PEAK1: variants seen among roughly 807,000 people sequenced by gnomAD.
The protein encoded by PEAK1 is pseudopodium enriched atypical kinase 1.
A neutral mutation model predicts 124.7 loss-of-function variants in PEAK1; 54 were observed. That is an observed-to-expected ratio of 0.43 (90% confidence interval 0.35 to 0.54). The LOEUF is 0.54. PEAK1 is among the 20% of genes least tolerant of loss of function. The probability of loss-of-function intolerance (pLI) is 0.01; values close to 1 mark genes in which losing one functional copy is unlikely to be tolerated. For missense variants in PEAK1, 2,046 were observed against 2,134.5 expected, an observed-to-expected ratio of 0.96 and a Z score of 0.82; for synonymous variants, 719 against 760.0, an observed-to-expected ratio of 0.95 and a Z score of 0.89.
At chr15:77,120,130 C>T (rs2051775202) in intron 9 of PEAK1, among the ~76,000 whole-genome samples, 1 of 152,226 alleles carries the variant, frequency 6.6e-6, no homozygotes, top group Admixed American at 6.5e-5. Context: ...ACTCATTCTT[C>T]TTCATTGACC....
intron 6 of PEAK1, among the ~76,000 whole-genome samples, chr15:77,243,467 C>T (rs1596824835): frequency 6.6e-6 from 1 of 152,156 alleles, no homozygotes; most frequent in East Asian, 1.9e-4. Context: ...TAATTTATTT[C>T]CCAGGAAAAA....
At chr15:77,271,933 T>TA (rs150674002) in intron 5 of PEAK1, among the ~76,000 whole-genome samples, 13 of 148,806 alleles carry the variant, frequency 8.7e-5, no homozygotes, top group Non-Finnish European at 1.5e-4. Context: ...AGTATAATAA[T>TA]AAAAAAAAAG....
intron 6 of PEAK1, among the ~76,000 whole-genome samples, chr15:77,230,382 T>G (rs1395365749): frequency 1.3e-5 from 2 of 152,010 alleles, no homozygotes; most frequent in African/African-American, 4.8e-5. Context: ...GTATTTTTAG[T>G]AGAGACAGGG....
At chr15:77,369,939 G>A (rs947642002) in intron 1 of PEAK1, among the ~76,000 whole-genome samples, 1 of 152,044 alleles carries the variant, frequency 6.6e-6, no homozygotes, top group Non-Finnish European at 1.5e-5. Flanking sequence ...TAAAAAAAGA[G>A]GTACAACACA....
intron 1 of PEAK1, chr15:77,401,890 A>G: frequency 1.0e-6 from 1 of 985,382 alleles, no homozygotes; most frequent in African/African-American, 1.7e-5. Flanking sequence ...AGCAAGATAC[A>G]GAAGTAGCAA....
chr15:77,375,968 C>T (rs1016159222), intron 1 of PEAK1, among the ~76,000 whole-genome samples: 1 of 151,708 alleles, frequency 6.6e-6, no homozygotes, highest in Non-Finnish European at 1.5e-5. Flanking sequence ...CACTGCACTC[C>T]AGCCTGGGAG....
At chr15:77,225,023 C>T (rs558198947) in intron 6 of PEAK1, among the ~76,000 whole-genome samples, 139 of 152,100 alleles carry the variant, frequency 9.1e-4, no homozygotes, top group African/African-American at 3.2e-3. Context: ...CATCATGTGA[C>T]TTGCTTGTTC....
At chr15:77,205,201 G>T in intron 6 of PEAK1, 1 of 239,052 alleles carries the variant, frequency 4.2e-6, no homozygotes. Flanking sequence ...TTTTTTAGTA[G>T]CTCTAGACAC....
At position 77,110,568 on chromosome 15, in the gene PEAK1, C is replaced by T. The variant is rs780014160; in HGVS notation, c.*3588G>A. 4.6e-5 allele frequency: 7 copies of T among 152,186 alleles called. No individual in the cohort carries two copies. Among genetic ancestry groups the T allele is most frequent in the Admixed American group, 1.3e-4 (2 of 15,282 alleles). The allele number at this position is 152,186 out of a possible 1,614,324, so 9.4% of individuals were successfully genotyped here. On this transcript the variant is annotated 3_prime_UTR_variant, in exon 10 of 10. Coordinates refer to ENST00000682557, the MANE Select transcript of PEAK1 (RefSeq NM_001385026.1). The stretch of plus-strand genomic sequence containing the variant: ...CCCCACTTAATCTGATAATGGGAGG[C>T]TACTCCAACTGTTAAAATCCTAACC...
chr15:77,277,449 C>T (rs992036146), intron 5 of PEAK1, among the ~76,000 whole-genome samples: 41 of 152,134 alleles, frequency 2.7e-4, no homozygotes, highest in African/African-American at 9.9e-4. Context: ...ATACTACTCA[C>T]TTTACACCAA....
At chr15:77,377,169 G>C (rs1277515840) in intron 1 of PEAK1, among the ~76,000 whole-genome samples, 1 of 152,178 alleles carries the variant, frequency 6.6e-6, no homozygotes, top group Non-Finnish European at 1.5e-5. Flanking sequence ...AGGATCACTT[G>C]AGCCCTGTTT....
At chr15:77,306,452 G>A (rs1266666241) in intron 2 of PEAK1, among the ~76,000 whole-genome samples, 2 of 152,114 alleles carry the variant, frequency 1.3e-5, no homozygotes, top group Non-Finnish European at 2.9e-5. Flanking sequence ...AAGGCTGATA[G>A]ATGCAGGATA....
intron 1 of PEAK1, among the ~76,000 whole-genome samples, chr15:77,412,181 T>C (rs1003597211): frequency 1.3e-5 from 2 of 152,212 alleles, no homozygotes; most frequent in African/African-American, 2.4e-5. Flanking sequence ...TTCTCTTCTC[T>C]AGCTACCCTC....
intron 2 of PEAK1, among the ~76,000 whole-genome samples, chr15:77,364,589 G>A (rs2068099701): frequency 6.6e-6 from 1 of 152,216 alleles, no homozygotes. Flanking sequence ...AAGAGGACTT[G>A]AGCCAAGACA....
Position 77,158,619 on chromosome 15 carries a change from C to A in PEAK1, c.3215G>T (p.Gly1072Val). The A allele has an allele frequency of 6.2e-7, 1 of 1,614,076 alleles. No individual in the cohort carries two copies. The highest frequency in any genetic ancestry group is 8.5e-7 in the Non-Finnish European group (1 of 1,179,944). The change falls in exon 8 of 10, where the codon GGC becomes GTC. Residue 1072 changes from glycine (G) to valine (V), a missense_variant. Physicochemically the swap from Gly to Val is moderately radical, Grantham distance 109 (BLOSUM62 -3). Transcript: ENST00000682557. Reference protein sequence around the residue: ...RTVVGKQDGRGCTSVTTALSL... With the variant: ...RTVVGKQDGRVCTSVTTALSL... ...CAATGCTGTTGTGACTGAAGTGCAG[C>A]CCCTGCCATCTTGCTTCCCAACAAC...
At chr15:77,156,200 G>T (rs8030500) in intron 8 of PEAK1, 2 of 154,740 alleles carry the variant, frequency 1.3e-5, no homozygotes, top group Non-Finnish European at 2.8e-5. Flanking sequence ...CCTGGGCAAC[G>T]GCAGGCGCCC....
rs2050866004 is a variant in PEAK1 at position 77,109,510 on chromosome 15, T to C, written c.*4646A>G. The C allele has an allele frequency of 6.6e-6, 1 of 152,222 alleles. No individual in the cohort carries two copies. The highest frequency in any genetic ancestry group is 2.4e-5 in the African/African-American group (1 of 41,460). 9.4% of individuals were successfully genotyped at this position (152,222 alleles called of 1,614,324 possible). A position where few individuals can be genotyped will look rare whatever the true frequency, so the allele number is the denominator to read the frequency against. On this transcript the variant is annotated 3_prime_UTR_variant, in exon 10 of 10. Transcript: ENST00000682557. ...AAAAGGCTTGATTTCTTTGGTATAA[T>C]CTCTCCCAGGATCTTGCACTGCAAC...
rs1330206517 is a variant in PEAK1 at position 77,114,415 on chromosome 15, C to T, written c.4982G>A (p.Gly1661Asp). 1.2e-6 allele frequency: 2 copies of T among 1,614,158 alleles called. No individual in the cohort carries two copies. Among genetic ancestry groups the T allele is most frequent in the South Asian group, 2.2e-5 (2 of 91,082 alleles). Residue 1661 changes from glycine (G) to aspartate (D), a missense_variant, in exon 10 of 10, where the codon GGC becomes GAC. Gly to Asp is a moderately conservative substitution (Grantham distance 94, BLOSUM62 -1). Transcript: ENST00000682557. ...SERILISDAK[G>D]ILQCLLWGPR... ...GCCCCAGAGCAGACACTGGAGGATG[C>T]CTTTGGCGTCTGAAATGAGGATCCG...
At chr15:77,131,172 C>T (rs1285220972) in intron 9 of PEAK1, among the ~76,000 whole-genome samples, 7 of 152,200 alleles carry the variant, frequency 4.6e-5, no homozygotes, top group Admixed American at 2.6e-4. Context: ...GGACAAAATA[C>T]AGCTATGGAG....
Sources: gnomAD v4.1 joint callset for allele counts (sites outside exome capture counted in the v4.1 genomes callset) on GRCh38, gnomAD v4.1.1 for gene constraint, MANE v1.5 for transcripts, NCBI Gene and HGNC (gene_info 2026-07-23, HGNC 2026-07-21) for gene names.